Variants in TBC1D1 observed in about 807,000 individuals in gnomAD.
The protein encoded by TBC1D1 is TBC1 (tre-2/USP6, BUB2, cdc16) domain family, member 1.
TBC1D1 carries 89 observed loss-of-function variants against 125.6 expected under a neutral mutation model. The ratio of observed to expected loss-of-function variants is 0.71; its 90% CI spans 0.60 to 0.85. TBC1D1 has a LOEUF of 0.85. Ranked by LOEUF, TBC1D1 falls within the 40% of genes least tolerant of loss-of-function variation. The probability of loss-of-function intolerance (pLI) is 0.00; values close to 1 mark genes in which losing one functional copy is unlikely to be tolerated. For missense variants in TBC1D1, 1,377 were observed against 1,469.2 expected, an observed-to-expected ratio of 0.94 and a Z score of 1.03; for synonymous variants, 565 against 564.1, an observed-to-expected ratio of 1.00 and a Z score of -0.02.
intron 2 of TBC1D1, among the ~76,000 whole-genome samples, chr4:37,947,885 T>TA (rs771795001): frequency 0.012 from 1,729 of 143,706 alleles, 20 homozygotes; most frequent in Non-Finnish European, 0.018. Flanking sequence ...CAGTTCATTG[T>TA]AAAAAAAAAA....
chr4:38,027,966 T>C, intron 7 of TBC1D1, 87 bp downstream of exon 7: 1 of 995,846 alleles, frequency 1.0e-6, no homozygotes, highest in Non-Finnish European at 1.5e-6. Context: ...AGCAAACCAG[T>C]GTTGTCCCAA....
chr4:37,921,291 A>G (rs1392483830), intron 2 of TBC1D1, among the ~76,000 whole-genome samples: 2 of 151,722 alleles, frequency 1.3e-5, no homozygotes, highest in East Asian at 3.9e-4. Flanking sequence ...AGAGGAGTGG[A>G]TGGTGTCAAG....
chr4:38,115,243 G>A (rs1762793437), intron 15 of TBC1D1, among the ~76,000 whole-genome samples: 1 of 151,946 alleles, frequency 6.6e-6, no homozygotes, highest in Non-Finnish European at 1.5e-5. Context: ...TGGGATTACA[G>A]GCACCTGCCA....
At chr4:38,086,920 CT>C (rs146867362) in intron 12 of TBC1D1, among the ~76,000 whole-genome samples, 2 of 151,982 alleles carry the variant, frequency 1.3e-5, no homozygotes, top group African/African-American at 2.4e-5. Flanking sequence ...GTAAACTCTT[CT>C]TTTTTTTACT....
chr4:37,977,592 T>C lies in TBC1D1; in HGVS notation c.418-36917T>C. The stretch of plus-strand genomic sequence containing the variant: ...AGCGGCAGGCGCGGGGCTGGAACAT[T>C]TGTAACCTTCGGGCCGGGGCTGGGC... On this transcript the variant is annotated intron_variant, in intron 2 of 19. Transcript: ENST00000261439. The surrounding 1 kb of genome is among the most constrained non-coding windows in gnomAD (Gnocchi z 4.3). 1.9e-6 allele frequency: 1 copy of C among 515,112 alleles called. No individual in the cohort carries two copies. The highest frequency in any genetic ancestry group is 2.6e-6 in the Non-Finnish European group (1 of 391,260). 31.9% of individuals were successfully genotyped at this position (515,112 alleles called of 1,614,324 possible). A position where few individuals can be genotyped will look rare whatever the true frequency, so the allele number is the denominator to read the frequency against.
At chr4:38,022,255 CTG>C (rs777353471) in intron 6 of TBC1D1, among the ~76,000 whole-genome samples, 19 of 152,154 alleles carry the variant, frequency 1.2e-4, no homozygotes, top group Non-Finnish European at 2.8e-4. Flanking sequence ...TAGGGAGAAA[CTG>C]TAATAAATGT....
intron 2 of TBC1D1, among the ~76,000 whole-genome samples, chr4:37,941,619 G>T (rs1251221767): frequency 1.3e-5 from 2 of 152,134 alleles, no homozygotes. Flanking sequence ...TGATGTTAGG[G>T]TGTCAATTTT....
chr4:38,008,579 T>G (rs762676569), intron 2 of TBC1D1, among the ~76,000 whole-genome samples: 1 of 152,048 alleles, frequency 6.6e-6, no homozygotes, highest in African/African-American at 2.4e-5. Flanking sequence ...GCAGAGGGGA[T>G]GAAAAAGGGG....
chr4:38,034,095 G>A (rs1215562464), intron 7 of TBC1D1, among the ~76,000 whole-genome samples: 4 of 152,194 alleles, frequency 2.6e-5, no homozygotes, highest in African/African-American at 4.8e-5. Context: ...TTCCAAAGTG[G>A]CTGTACTGTT....
rs1262949997 is a variant in TBC1D1 at position 38,023,283 on chromosome 4, GT to G, written c.1210+1568del. ...AAGGAATATTTATTATAAGCTATAA[GT>G]TTGCAAAGAAAGCATTGTTATTTAG... On this transcript the variant is annotated intron_variant, in intron 6 of 19. Coordinates refer to ENST00000261439, the MANE Select transcript of TBC1D1 (RefSeq NM_015173.4). Among the ~76,000 whole-genome samples the G allele has an allele frequency of 6.0e-5, 9 of 150,316 alleles. No individual in the cohort carries two copies. In the South Asian group the frequency reaches 1.1e-3, roughly 18 times the overall value.
At chr4:37,922,518 G>T (rs1251239494) in intron 2 of TBC1D1, among the ~76,000 whole-genome samples, 1 of 152,168 alleles carries the variant, frequency 6.6e-6, no homozygotes, top group Non-Finnish European at 1.5e-5. Context: ...TGAATCATGT[G>T]CTAGTTACTG....
chr4:37,892,995 T>C (rs758358418), intron 1 of TBC1D1, among the ~76,000 whole-genome samples: 3 of 152,170 alleles, frequency 2.0e-5, no homozygotes, highest in Non-Finnish European at 4.4e-5. Flanking sequence ...TTTTTTGTGG[T>C]CCAGATCTTC....
At chr4:37,917,325 A>G (rs182306133) in intron 2 of TBC1D1, among the ~76,000 whole-genome samples, 1 of 151,702 alleles carries the variant, frequency 6.6e-6, no homozygotes, top group Admixed American at 6.6e-5. Context: ...AAATACAAAA[A>G]TTAGCTGGGC....
chr4:37,960,321 G>A, intron 2 of TBC1D1: 1 of 990,090 alleles, frequency 1.0e-6, no homozygotes, highest in Non-Finnish European at 1.5e-6. Context: ...TGATGTGCTA[G>A]GCACAAAAAT....
At chr4:38,001,887 C>G (rs1739166359) in intron 2 of TBC1D1, among the ~76,000 whole-genome samples, 1 of 152,156 alleles carries the variant, frequency 6.6e-6, no homozygotes, top group Non-Finnish European at 1.5e-5. Context: ...GCAGTAAGCA[C>G]TTAGTACTAT....
intron 2 of TBC1D1, among the ~76,000 whole-genome samples, chr4:37,944,810 C>T (rs539299941): frequency 2.6e-5 from 4 of 152,322 alleles, no homozygotes; most frequent in East Asian, 1.9e-4. Context: ...CGCCCTGCTT[C>T]GGCTCACACT....
rs1047859621 is a variant in TBC1D1, at chr4:38,014,874, C to T, written c.783C>T (p.Phe261=). The T allele has an allele frequency of 1.9e-6, 3 of 1,610,558 alleles. No individual in the cohort carries two copies. Among genetic ancestry groups the T allele is most frequent in the Non-Finnish European group, 2.5e-6 (3 of 1,177,324 alleles). Residue 261 remains phenylalanine (F), a synonymous_variant, in exon 3 of 20, where the codon TTC becomes TTT. Transcript: ENST00000261439. This position sits in a 1 kb window ranked among gnomAD's most constrained non-coding sequence, Gnocchi z 5.1. ...GGGGCCTCCGAAGCAGCGGCTTCTT[C>T]AGCTCCTTCGAGGAGAGCGACATTG...
At chr4:37,933,059 A>AC (rs1188980408) in intron 2 of TBC1D1, among the ~76,000 whole-genome samples, 1 of 151,780 alleles carries the variant, frequency 6.6e-6, no homozygotes, top group Non-Finnish European at 1.5e-5. Flanking sequence ...TTAAAAACAA[A>AC]AAAACAAAAA....
At chr4:38,128,074 G>C (rs903113093) in intron 18 of TBC1D1, among the ~76,000 whole-genome samples, 1 of 152,120 alleles carries the variant, frequency 6.6e-6, no homozygotes, top group Admixed American at 6.5e-5. Flanking sequence ...CACAGGTGGT[G>C]GTTTGCTGAT....
Sources: gnomAD v4.1 joint callset for allele counts (sites outside exome capture counted in the v4.1 genomes callset) on GRCh38, gnomAD v4.1.1 for gene constraint, Gnocchi (gnomAD v3.1) non-coding constraint, MANE v1.5 for transcripts, NCBI Gene and HGNC (gene_info 2026-07-23, HGNC 2026-07-21) for gene names.